NCOA1: variants seen among roughly 807,000 people sequenced by gnomAD.
NCOA1 encodes the protein Hin-2 protein.
In NCOA1, 35 loss-of-function variants were observed where a neutral mutation model predicts 150.9. The observed-to-expected ratio is 0.23, with a 90% CI of 0.18 to 0.31. The LOEUF (loss-of-function observed/expected upper bound fraction) is 0.31, where lower values mean the gene tolerates loss of function less well. Ranked by LOEUF, NCOA1 falls within the 10% of genes least tolerant of loss-of-function variation. The pLI, the probability that NCOA1 is intolerant of heterozygous loss-of-function variation, is 1.00. For missense variants in NCOA1, 1,491 were observed against 1,749.3 expected (o/e 0.85, Z 2.63); for synonymous variants, 590 against 630.0 (o/e 0.94, Z 0.95).
Position 24,491,316 on chromosome 2 carries a change from C to T in NCOA1, c.-682C>T, listed in dbSNP as rs953346290. Among the ~76,000 whole-genome samples the T allele has an allele frequency of 7.4e-4, 109 of 147,332 alleles. No individual in the cohort carries two copies. The highest frequency in any genetic ancestry group is 1.3e-3 in the Non-Finnish European group (83 of 66,274). On this transcript the variant is annotated 5_prime_UTR_variant, in exon 1 of 23. Coordinates refer to ENST00000348332, the MANE Select transcript of NCOA1 (RefSeq NM_003743.5). ...GCGGAGAGCGGCTGAAATGCCTGTT[C>T]TTCAGGCCGGGCGAGCGGGAGTCTG...
chr2:24,571,108 G>A (rs1666727838), intron 2 of NCOA1, among the ~76,000 whole-genome samples: 1 of 151,928 alleles, frequency 6.6e-6, no homozygotes, highest in Non-Finnish European at 1.5e-5. Flanking sequence ...GATATGCCTG[G>A]GCTCCTGCTT....
At position 24,707,370 on chromosome 2, in the gene NCOA1, G is replaced by A. The variant is rs1355312617; in HGVS notation, c.1900G>A (p.Val634Met). ...ATACTCTCAAACCAGTCACAAACTAGTGCAGCTTTTGACAACAACTGCCGA... is the reference window on the plus strand; with the variant it reads ...ATACTCTCAAACCAGTCACAAACTAATGCAGCTTTTGACAACAACTGCCGA... Reference protein sequence around the residue: ...SKYSQTSHKLVQLLTTTAEQQ... With the variant: ...SKYSQTSHKLMQLLTTTAEQQ... The change falls in exon 13 of 23, where the codon GTG becomes ATG. Residue 634 changes from valine (V) to methionine (M), a missense_variant. Val to Met is a conservative substitution (Grantham distance 21). This residue lies in a region of NCOA1 where 703 missense variants were observed against 717.7 expected (regional missense o/e 0.98). Coordinates refer to ENST00000348332, the MANE Select transcript of NCOA1 (RefSeq NM_003743.5). The A allele has an allele frequency of 1.2e-6, 2 of 1,614,226 alleles. No homozygotes were observed. The highest frequency in any genetic ancestry group is 2.2e-5 in the East Asian group (1 of 44,892).
chr2:24,727,910 C>G lies in NCOA1; in HGVS notation c.2718-398C>G, dbSNP rs114268389. On this transcript the variant is annotated intron_variant, in intron 15 of 22. Coordinates refer to ENST00000348332, the MANE Select transcript of NCOA1 (RefSeq NM_003743.5). ...TGGTTCAGTTATTAACAATTAATGG[C>G]ATTCATAAAAGGTAAATAAATAGAA... is the stretch of plus-strand genomic sequence containing the variant. Among the ~76,000 whole-genome samples the G allele has an allele frequency of 1.8e-3, 281 of 152,204 alleles. 2 individuals carry two copies. Among genetic ancestry groups the G allele is most frequent in the African/African-American group, 6.6e-3 (272 of 41,526 alleles).
rs1491073238 is a variant in NCOA1, at chr2:24,576,163, G to GTTTT, written c.-259-8310_-259-8307dup. 1.4e-3 allele frequency among the ~76,000 whole-genome samples: 133 copies of GTTTT among 92,666 alleles called. 1 individual carries two copies. The highest frequency in any genetic ancestry group is 3.6e-3 in the African/African-American group (77 of 21,650). The allele number at this position is 92,666 out of a possible 152,430, so 60.8% of individuals were successfully genotyped here. A position where few individuals can be genotyped will look rare whatever the true frequency, so the allele number is the denominator to read the frequency against. On this transcript the variant is annotated intron_variant, in intron 2 of 22. Transcript: ENST00000348332. ...ATTTGGCCTTTGTTTTTTTTTTTTT[G>GTTTT]TTTTTTGTTTTTTTTTTTTTTTTTT... is the stretch of plus-strand genomic sequence containing the variant.
In NCOA1 at chr2:24,707,185, G is replaced by T; in HGVS notation, c.1715G>T (p.Arg572Ile). ...ATGAGCTCACAGAATTCACCTAGCAGATTAAATATACAACCAGCAAAAGCT... is the reference window on the plus strand; with the variant it reads ...ATGAGCTCACAGAATTCACCTAGCATATTAAATATACAACCAGCAAAAGCT... ...RQMSSQNSPS[R>I]LNIQPAKAES... Residue 572 changes from arginine to isoleucine, a missense_variant, in exon 13 of 23, where the codon AGA becomes ATA. Arg to Ile is a moderately conservative substitution (Grantham distance 97, BLOSUM62 -3). Around this residue, in one of 8 missense-constraint regions of NCOA1, gnomAD observed 703 missense variants for 717.7 expected, o/e 0.98. Coordinates refer to ENST00000348332, the MANE Select transcript of NCOA1 (RefSeq NM_003743.5). 1 of 1,614,178 alleles carries T rather than the reference G, an allele frequency of 6.2e-7. No individual in the cohort carries two copies. Among genetic ancestry groups the T allele is most frequent in the Admixed American group, 1.7e-5 (1 of 60,022 alleles).
chr2:24,698,170 T>G (rs1672988063), intron 11 of NCOA1, among the ~76,000 whole-genome samples: 1 of 152,042 alleles, frequency 6.6e-6, no homozygotes, highest in African/African-American at 2.4e-5. Flanking sequence ...ACGACAACCC[T>G]AAAGATCAGT....
intron 1 of NCOA1, among the ~76,000 whole-genome samples, chr2:24,506,939 A>ATT (rs1291630138): frequency 6.6e-6 from 1 of 152,230 alleles, no homozygotes; most frequent in Non-Finnish European, 1.5e-5. Flanking sequence ...TGCAATAAAC[A>ATT]TTTATTAAGA....
chr2:24,728,814 C>T (rs17046494), intron 16 of NCOA1, among the ~76,000 whole-genome samples: 4,529 of 152,298 alleles, frequency 0.03, 114 homozygotes, highest in East Asian at 0.11. Context: ...TTGCAACTTC[C>T]AGGTTAGCCT....
chr2:24,560,174 T>C (rs1345624492), intron 1 of NCOA1, among the ~76,000 whole-genome samples: 2 of 152,196 alleles, frequency 1.3e-5, no homozygotes, highest in Admixed American at 1.3e-4. Flanking sequence ...CCAGCTATTC[T>C]AAACTGTCAT....
chr2:24,548,366 A>G (rs997493513), intron 1 of NCOA1, among the ~76,000 whole-genome samples: 18 of 152,234 alleles, frequency 1.2e-4, no homozygotes, highest in African/African-American at 3.6e-4. Context: ...CTGTGATTCA[A>G]TTACCTCCTA....
intron 3 of NCOA1, among the ~76,000 whole-genome samples, chr2:24,640,372 C>CCAAA (rs1481573744): frequency 1.3e-5 from 2 of 152,138 alleles, no homozygotes; most frequent in Non-Finnish European, 2.9e-5. Context: ...TGTTTCCTTA[C>CCAAA]TGGTTTTTAA....
At chr2:24,576,507 C>T (rs1666997804) in intron 2 of NCOA1, among the ~76,000 whole-genome samples, 1 of 152,128 alleles carries the variant, frequency 6.6e-6, no homozygotes, top group African/African-American at 2.4e-5. Flanking sequence ...CATCTTTTCT[C>T]AGGAATCCCA....
Position 24,592,590 on chromosome 2 carries a change from T to A in NCOA1, c.-175+8030T>A, listed in dbSNP as rs957160115. Among the ~76,000 whole-genome samples, 4 of 149,686 alleles carry A rather than the reference T, an allele frequency of 2.7e-5. 1 individual carries two copies. The highest frequency in any genetic ancestry group is 9.8e-5 in the African/African-American group (4 of 40,792). ...CTATCCCCTCCTAATTTTTTTTTTT[T>A]TTTTTTTTTTTTTGATACTGTTTTG... On this transcript the variant is annotated intron_variant, in intron 3 of 22. Coordinates refer to ENST00000348332, the MANE Select transcript of NCOA1 (RefSeq NM_003743.5).
chr2:24,697,847 T>TATACTG, intron 11 of NCOA1, 49 bp downstream of exon 11: 3 of 1,538,306 alleles, frequency 2.0e-6, no homozygotes, highest in Non-Finnish European at 2.7e-6. Context: ...TCTTTACTGA[T>TATACTG]ATTTGAATAG....
At chr2:24,667,796 A>G (rs1671499638) in intron 6 of NCOA1, among the ~76,000 whole-genome samples, 1 of 152,082 alleles carries the variant, frequency 6.6e-6, no homozygotes, top group Admixed American at 6.5e-5. Flanking sequence ...CTAGATATCC[A>G]CATGCTTTAT....
chr2:24,611,839 A>C (rs569405737), intron 3 of NCOA1, among the ~76,000 whole-genome samples: 2 of 152,272 alleles, frequency 1.3e-5, no homozygotes, highest in East Asian at 3.9e-4. Flanking sequence ...TCTTGAAGGC[A>C]ACAGATAGAT....
chr2:24,518,049 A>G (rs1482206460), intron 1 of NCOA1, among the ~76,000 whole-genome samples: 3 of 152,152 alleles, frequency 2.0e-5, no homozygotes, highest in Non-Finnish European at 4.4e-5. Flanking sequence ...ACTAGTAATA[A>G]CAACCATTTA....
intron 22 of NCOA1, among the ~76,000 whole-genome samples, chr2:24,763,312 G>A (rs907349276): frequency 6.6e-6 from 1 of 151,996 alleles, no homozygotes; most frequent in Non-Finnish European, 1.5e-5. Flanking sequence ...GGCCGAGGCG[G>A]GCGGATCACA....
At position 24,531,868 on chromosome 2, in the gene NCOA1, C is replaced by T. The variant is rs890126214; in HGVS notation, c.-395-32427C>T. The stretch of plus-strand genomic sequence containing the variant: ...ATCCAGTCTATCATTGATGGACATT[C>T]GGGTTGGTTCCAAGTCTTTGCTATT... On this transcript the variant is annotated intron_variant, in intron 1 of 22. Transcript: ENST00000348332. 3.9e-5 allele frequency among the ~76,000 whole-genome samples: 6 copies of T among 152,204 alleles called. No individual in the cohort carries two copies. In the South Asian group the frequency reaches 8.3e-4, roughly 21 times the overall value.
Sources: gnomAD v4.1 joint callset for allele counts (sites outside exome capture counted in the v4.1 genomes callset) on GRCh38, gnomAD v4.1.1 for gene constraint, gnomAD v4.1.1 regional missense constraint, MANE v1.5 for transcripts, NCBI Gene and HGNC (gene_info 2026-07-23, HGNC 2026-07-21) for gene names.